PRELID2: variants seen among roughly 807,000 people sequenced by gnomAD.
The protein encoded by PRELID2 is PRELI domain-containing protein 2.
In PRELID2, 25 loss-of-function variants were observed where a neutral mutation model predicts 28.4. The observed-to-expected ratio is 0.88, with a 90% CI of 0.64 to 1.23. PRELID2 has a LOEUF of 1.23. PRELID2 is among the 50% of genes most tolerant of loss of function. The probability of loss-of-function intolerance (pLI) is 0.00; values close to 1 mark genes in which losing one functional copy is unlikely to be tolerated. For missense variants in PRELID2, 201 were observed against 214.4 expected, an observed-to-expected ratio of 0.94 and a Z score of 0.39; for synonymous variants, 76 against 71.6, an observed-to-expected ratio of 1.06 and a Z score of -0.31.
At chr5:145,728,255 G>GC (rs1418832234) in intron 1 of PRELID2, 1 of 233,634 alleles carries the variant, frequency 4.3e-6, no homozygotes, top group African/African-American at 2.3e-5. Context: ...ATCTATCCCT[G>GC]CCTGTCCCTG....
intron 1 of PRELID2, among the ~76,000 whole-genome samples, chr5:145,599,639 C>T (rs1025733924): frequency 2.0e-5 from 3 of 151,766 alleles, no homozygotes; most frequent in African/African-American, 7.3e-5. Flanking sequence ...TGTTAGATTG[C>T]TCCTTAATGA....
At chr5:145,446,853 C>G in the PRELID2 span, among the ~76,000 whole-genome samples, 2 of 151,936 alleles carry the variant, frequency 1.3e-5, no homozygotes, top group Non-Finnish European at 2.9e-5. Context: ...TAGAGACCAG[C>G]CTGGCCAACA....
At chr5:145,452,788 CA>C in the PRELID2 span, among the ~76,000 whole-genome samples, 1 of 151,114 alleles carries the variant, frequency 6.6e-6, no homozygotes, top group Non-Finnish European at 1.5e-5. Context: ...AGAAAAAAAG[CA>C]AAAAAAGAAT....
chr5:145,695,925 G>A (rs1216516910), intron 1 of PRELID2, among the ~76,000 whole-genome samples: 1 of 152,092 alleles, frequency 6.6e-6, no homozygotes, highest in Non-Finnish European at 1.5e-5. Flanking sequence ...ATATCAGAGG[G>A]GGGAGAATCA....
chr5:145,535,450 C>G (rs2126665908), intron 1 of PRELID2, among the ~76,000 whole-genome samples: 1 of 151,924 alleles, frequency 6.6e-6, no homozygotes, highest in Admixed American at 6.6e-5. Context: ...TATTTATTTA[C>G]TATATTATAT....
the PRELID2 span, among the ~76,000 whole-genome samples, chr5:145,285,298 A>G: frequency 6.6e-6 from 1 of 152,166 alleles, no homozygotes. Context: ...GAGATTTAGG[A>G]ATAGGACTAG....
At chr5:145,506,079 T>A (rs1275359271) in intron 1 of PRELID2, among the ~76,000 whole-genome samples, 1 of 152,196 alleles carries the variant, frequency 6.6e-6, no homozygotes. Flanking sequence ...GTTGCATTTT[T>A]AAAATTTAAG....
chr5:145,281,209 C>T, the PRELID2 span, among the ~76,000 whole-genome samples: 1 of 152,228 alleles, frequency 6.6e-6, no homozygotes, highest in African/African-American at 2.4e-5. Flanking sequence ...GTCCAAATAT[C>T]CAACCCAGAA....
chr5:145,717,876 C>A lies in PRELID2; in HGVS notation n.70+47055G>T, dbSNP rs144567482. On this transcript the variant is annotated intron_variant and non_coding_transcript_variant, in intron 1 of 2. Coordinates refer to the PRELID2 transcript ENST00000510259. ...AGGGTAGTGTTTCTCCTTCTTAGTT[C>A]ATTTGTCCTTCAGAGGCTGAGTATT... 8.4e-3 allele frequency among the ~76,000 whole-genome samples: 1,279 copies of A among 151,874 alleles called. 14 individuals carry two copies. The highest frequency in any genetic ancestry group is 0.017 in the Admixed American group (258 of 15,218).
At chr5:145,598,748 A>G (rs1417276233) in intron 1 of PRELID2, among the ~76,000 whole-genome samples, 1 of 152,166 alleles carries the variant, frequency 6.6e-6, no homozygotes, top group Non-Finnish European at 1.5e-5. Flanking sequence ...GCCACATTCC[A>G]GTGAGAGAAA....
chr5:145,789,391 A>G (rs1752219382), intron 5 of PRELID2, among the ~76,000 whole-genome samples: 1 of 152,148 alleles, frequency 6.6e-6, no homozygotes, highest in African/African-American at 2.4e-5. Flanking sequence ...AGAACACACA[A>G]TGGGAAAAAA....
chr5:145,386,220 A>G, the PRELID2 span, among the ~76,000 whole-genome samples: 3 of 152,094 alleles, frequency 2.0e-5, no homozygotes, highest in East Asian at 3.9e-4. Context: ...TTATAAAACT[A>G]TCAGATCTCA....
intron 1 of PRELID2, among the ~76,000 whole-genome samples, chr5:145,686,907 A>G (rs1262279656): frequency 6.6e-6 from 1 of 152,228 alleles, no homozygotes; most frequent in East Asian, 1.9e-4. Context: ...AAAATGCATC[A>G]TAATAGAACT....
At chr5:145,300,187 TTAAA>T in the PRELID2 span, among the ~76,000 whole-genome samples, 1 of 152,142 alleles carries the variant, frequency 6.6e-6, no homozygotes, top group Non-Finnish European at 1.5e-5. Context: ...TCTTGTCCTT[TTAAA>T]TAAACTGGTG....
intron 1 of PRELID2, among the ~76,000 whole-genome samples, chr5:145,637,118 A>G (rs768632622): frequency 4.6e-5 from 7 of 152,158 alleles, no homozygotes; most frequent in Non-Finnish European, 8.8e-5. Context: ...CTCACATTCA[A>G]TTCATATCAG....
chr5:145,615,480 C>T (rs1204758605), intron 1 of PRELID2, among the ~76,000 whole-genome samples: 2 of 143,520 alleles, frequency 1.4e-5, no homozygotes, highest in Non-Finnish European at 3.0e-5. Flanking sequence ...GTGCCCGCCA[C>T]CTCGCCCGGC....
At chr5:145,359,301 A>C in the PRELID2 span, among the ~76,000 whole-genome samples, 5 of 152,158 alleles carry the variant, frequency 3.3e-5, no homozygotes, top group African/African-American at 1.2e-4. Context: ...ACCTAGTGCT[A>C]TGCAGCTGGT....
chr5:145,657,088 AT>A (rs1439515034), intron 1 of PRELID2, among the ~76,000 whole-genome samples: 1 of 152,056 alleles, frequency 6.6e-6, no homozygotes, highest in Non-Finnish European at 1.5e-5. Flanking sequence ...GAAAGTATTC[AT>A]TTTTTATTTT....
chr5:145,444,415 G>A, the PRELID2 span, among the ~76,000 whole-genome samples: 4 of 152,030 alleles, frequency 2.6e-5, no homozygotes, highest in African/African-American at 9.7e-5. Flanking sequence ...TTTGCTCTGT[G>A]TGATACTAAT....
Sources: allele counts gnomAD v4.1 joint callset (sites outside exome capture counted in the v4.1 genomes callset), GRCh38; gene constraint gnomAD v4.1.1; transcripts MANE v1.5; gene names NCBI Gene and HGNC (gene_info 2026-07-23, HGNC 2026-07-21).